Variants in COL14A1 observed in about 807,000 individuals in gnomAD.
COL14A1 encodes the protein collagen type XIV alpha 1 chain, also known as collagen alpha-1(XIV) chain.
COL14A1 carries 136 observed loss-of-function variants against 230.3 expected under a neutral mutation model. The ratio of observed to expected loss-of-function variants is 0.59; its 90% CI spans 0.51 to 0.68. The LOEUF (loss-of-function observed/expected upper bound fraction) is 0.68, where lower values mean the gene tolerates loss of function less well. COL14A1 is among the 30% of genes least tolerant of loss of function. The probability of loss-of-function intolerance (pLI) is 0.00; values close to 1 mark genes in which losing one functional copy is unlikely to be tolerated. For missense variants in COL14A1, 1,976 were observed against 2,215.8 expected (o/e 0.89, Z 2.17); for synonymous variants, 792 against 784.1 (o/e 1.01, Z -0.17).
chr8:120,200,516 G>A (rs1817202111), intron 8 of COL14A1, among the ~76,000 whole-genome samples: 1 of 151,168 alleles, frequency 6.6e-6, no homozygotes, highest in East Asian at 1.9e-4. Flanking sequence ...ACATATTTCA[G>A]AGTATTATTC....
chr8:120,285,307 A>G (rs1302387800), intron 32 of COL14A1, among the ~76,000 whole-genome samples: 1 of 151,914 alleles, frequency 6.6e-6, no homozygotes, highest in African/African-American at 2.4e-5. Context: ...TACTAAAAAT[A>G]CAAAAAATTA....
At chr8:120,319,319 G>A (rs1821349966) in intron 40 of COL14A1, among the ~76,000 whole-genome samples, 1 of 151,884 alleles carries the variant, frequency 6.6e-6, no homozygotes, top group Non-Finnish European at 1.5e-5. Context: ...ATCATGTCTG[G>A]CTAATTTTTT....
chr8:120,279,810 A>C, intron 28 of COL14A1, 125 bp from the exon 29 acceptor site: 1 of 940,812 alleles, frequency 1.1e-6, no homozygotes, highest in Non-Finnish European at 1.6e-6. Flanking sequence ...GTAAAGAATG[A>C]ATTATCCACC....
At chr8:120,345,282 G>A in intron 44 of COL14A1, 93 bp from the exon 45 acceptor site, 1 of 1,164,384 alleles carries the variant, frequency 8.6e-7, no homozygotes, top group Non-Finnish European at 1.2e-6. Context: ...GTATCTAACA[G>A]AATTGTTTGC....
chr8:120,340,535 C>T (rs1563746962), intron 42 of COL14A1, among the ~76,000 whole-genome samples: 1 of 152,070 alleles, frequency 6.6e-6, no homozygotes, highest in Non-Finnish European at 1.5e-5. Flanking sequence ...TCCTTTTAGT[C>T]GAGACTATAA....
chr8:120,243,619 A>T (rs1286472076), intron 19 of COL14A1, among the ~76,000 whole-genome samples: 2 of 152,230 alleles, frequency 1.3e-5, no homozygotes, highest in Non-Finnish European at 2.9e-5. Flanking sequence ...AAATGCCAAG[A>T]AGATGTTGAG....
At chr8:120,267,590 G>A (rs1445484452) in intron 25 of COL14A1, among the ~76,000 whole-genome samples, 1 of 151,832 alleles carries the variant, frequency 6.6e-6, no homozygotes, top group Non-Finnish European at 1.5e-5. Context: ...TAAGGAAGAG[G>A]CATTTGATCT....
chr8:120,197,774 C>T, intron 6 of COL14A1, 37 bp from the exon 7 acceptor site: 1 of 1,582,342 alleles, frequency 6.3e-7, no homozygotes, highest in Non-Finnish European at 8.6e-7. Flanking sequence ...TTGAGTAACC[C>T]ATTATTCCTG....
chr8:120,372,908 C>A lies in COL14A1; in HGVS notation c.*1677C>A, dbSNP rs1043543946. Among the ~76,000 whole-genome samples, 1 of 152,118 alleles carries A rather than the reference C, an allele frequency of 6.6e-6. No homozygotes were observed. Among genetic ancestry groups the A allele is most frequent in the Non-Finnish European group, 1.5e-5 (1 of 68,032 alleles). ...AAGAAGATAATGAGCAGATAATCAG[C>A]AGCCATTTCCTTTCAGTTATGGTAT... On this transcript the variant is annotated 3_prime_UTR_variant, in exon 48 of 48. Transcript: ENST00000297848.
chr8:120,177,509 A>T (rs1386670803), intron 5 of COL14A1, among the ~76,000 whole-genome samples: 2 of 151,726 alleles, frequency 1.3e-5, no homozygotes, highest in Non-Finnish European at 2.9e-5. Context: ...ATTAGCCGGG[A>T]GTGGTGGCGC....
At chr8:120,321,381 C>T (rs1182434538) in intron 40 of COL14A1, among the ~76,000 whole-genome samples, 2 of 152,112 alleles carry the variant, frequency 1.3e-5, no homozygotes, top group Non-Finnish European at 2.9e-5. Context: ...TGGCTCACGC[C>T]TATAATCCCA....
intron 32 of COL14A1, among the ~76,000 whole-genome samples, chr8:120,285,487 A>G (rs1820165401): frequency 7.1e-6 from 1 of 140,386 alleles, no homozygotes; most frequent in Admixed American, 7.2e-5. Flanking sequence ...AAAAAAAAAA[A>G]GAGACAAAGG....
intron 45 of COL14A1, among the ~76,000 whole-genome samples, chr8:120,356,490 C>T (rs1315523552): frequency 6.6e-6 from 1 of 152,216 alleles, no homozygotes; most frequent in Non-Finnish European, 1.5e-5. Context: ...ACTTACTGAG[C>T]ATCTACTACA....
intron 24 of COL14A1, among the ~76,000 whole-genome samples, chr8:120,264,956 G>T (rs1302476693): frequency 1.3e-5 from 2 of 152,144 alleles, no homozygotes; most frequent in Non-Finnish European, 2.9e-5. Context: ...ATCCAATTTG[G>T]ATAGCTCTGT....
chr8:120,128,606 G>A lies in COL14A1; in HGVS notation c.-38+3266G>A, dbSNP rs564565579. Among the ~76,000 whole-genome samples, 8 of 152,220 alleles carry A rather than the reference G, an allele frequency of 5.3e-5. No individual in the cohort carries two copies. The South Asian group carries it at 1.7e-3, about 32-fold the overall frequency. ...AAAGATTAGCTGGGCGTGGTGGTGG[G>A]CACCTGTAATCCTAGATACTTGGGA... On this transcript the variant is annotated intron_variant, in intron 1 of 47. Transcript: ENST00000297848.
Position 120,341,260 on chromosome 8 carries a change from G to T in COL14A1, c.4786-65G>T, listed in dbSNP as rs1822285725. 2.0e-6 allele frequency: 3 copies of T among 1,471,940 alleles called. No individual in the cohort carries two copies. The East Asian group carries it at 6.8e-5, about 33-fold the overall frequency. The allele number at this position is 1,471,940 out of a possible 1,614,324, so 91.2% of individuals were successfully genotyped here. On this transcript the variant is annotated intron_variant, in intron 42 of 47. Transcript: ENST00000297848. ...ATGTCTTAATAAAATAAGAAAAGAT[G>T]CATGATTATCACTCTTAGCTAAGTG...
intron 18 of COL14A1, among the ~76,000 whole-genome samples, chr8:120,229,214 A>C: frequency 2.0e-5 from 3 of 146,420 alleles, no homozygotes; most frequent in Admixed American, 1.4e-4. Context: ...GCACACACTA[A>C]CTCGTCATCT....
chr8:120,330,059 T>C (rs909553659), intron 40 of COL14A1, among the ~76,000 whole-genome samples: 2 of 152,196 alleles, frequency 1.3e-5, no homozygotes, highest in African/African-American at 4.8e-5. Flanking sequence ...CTGGAAATTT[T>C]TATGAGCTAA....
rs373668454 is a variant in COL14A1, at chr8:120,242,751, T to C, written c.2350-1128T>C. Reference sequence around the variant, plus strand: ...GAGGAGCAAAATCATATTAATCTCATATAAAAATCATCTAATTTAGATTTC... The same window carrying C: ...GAGGAGCAAAATCATATTAATCTCACATAAAAATCATCTAATTTAGATTTC... On this transcript the variant is annotated intron_variant, in intron 19 of 47. Transcript: ENST00000297848. 7.9e-5 allele frequency among the ~76,000 whole-genome samples: 12 copies of C among 152,336 alleles called. No homozygotes were observed. In the East Asian group the frequency reaches 1.5e-3, roughly 20 times the overall value.
Sources: allele counts gnomAD v4.1 joint callset (sites outside exome capture counted in the v4.1 genomes callset), GRCh38; gene constraint gnomAD v4.1.1; transcripts MANE v1.5; gene names NCBI Gene and HGNC (gene_info 2026-07-23, HGNC 2026-07-21).